MAGI1: variants seen among roughly 807,000 people sequenced by gnomAD.
The protein encoded by MAGI1 is membrane-associated guanylate kinase, WW and PDZ domain-containing protein 1.
Under a neutral mutation model 139.9 loss-of-function variants are expected in MAGI1, and 58 were observed. The observed-to-expected ratio is 0.41, with a 90% confidence interval of 0.34 to 0.52. The LOEUF (loss-of-function observed/expected upper bound fraction) is 0.52. Ranked by LOEUF, MAGI1 falls within the 20% of genes least tolerant of loss-of-function variation. The probability of loss-of-function intolerance (pLI) is 0.12; values close to 1 mark genes in which losing one functional copy is unlikely to be tolerated. For synonymous variants in MAGI1, 812 were observed against 737.9 expected (o/e 1.10, Z -1.63); for missense variants, 1,874 against 1,901.6 (o/e 0.99, Z 0.27).
rs1434709074 is a variant in MAGI1 at position 65,723,718 on chromosome 3, G to C, written c.314-101630C>G. On this transcript the variant is annotated intron_variant, in intron 1 of 22. Coordinates refer to ENST00000402939, the MANE Select transcript of MAGI1 (RefSeq NM_001033057.2). ...AGTACATTCTCATTAACTTCAGAAA[G>C]TTAACAACAACAAATGGCAAAATTA... 3.9e-5 allele frequency among the ~76,000 whole-genome samples: 6 copies of C among 152,122 alleles called. No individual in the cohort carries two copies. In the East Asian group the frequency reaches 1.2e-3, roughly 29 times the overall value.
At chr3:65,629,290 A>T (rs529473970) in intron 1 of MAGI1, among the ~76,000 whole-genome samples, 1 of 152,328 alleles carries the variant, frequency 6.6e-6, no homozygotes, top group African/African-American at 2.4e-5. Context: ...AGGGCAGAAT[A>T]CAATTCCCTG....
At chr3:65,761,203 G>C (rs1186698007) in intron 1 of MAGI1, among the ~76,000 whole-genome samples, 1 of 152,122 alleles carries the variant, frequency 6.6e-6, no homozygotes, top group Non-Finnish European at 1.5e-5. Context: ...CTAGGCAAAA[G>C]ATGGTATGTT....
chr3:65,750,568 A>G (rs1172526559), intron 1 of MAGI1, among the ~76,000 whole-genome samples: 1 of 152,238 alleles, frequency 6.6e-6, no homozygotes, highest in Non-Finnish European at 1.5e-5. Context: ...ATTAGTGACT[A>G]TGGGAATCAA....
At chr3:65,764,468 T>C (rs1446649060) in intron 1 of MAGI1, among the ~76,000 whole-genome samples, 1 of 152,216 alleles carries the variant, frequency 6.6e-6, no homozygotes, top group Non-Finnish European at 1.5e-5. Context: ...TGCTATGTTT[T>C]CAAAAGAACC....
chr3:65,416,843 G>A (rs982300251), intron 12 of MAGI1, among the ~76,000 whole-genome samples: 1 of 152,064 alleles, frequency 6.6e-6, no homozygotes, highest in Non-Finnish European at 1.5e-5. Flanking sequence ...TCACAAATAG[G>A]GGACATGATT....
chr3:65,950,067 C>CAAAAAAAAAAAAAAAAAAAAAAAAAA (rs61696952), intron 1 of MAGI1, among the ~76,000 whole-genome samples: 14 of 76,734 alleles, frequency 1.8e-4, no homozygotes, highest in South Asian at 1.1e-3. Context: ...AACAAAAAAA[C>CAAAAAAAAAAAAAAAAAAAAAAAAAA]AAAAAAAAAA....
intron 1 of MAGI1, among the ~76,000 whole-genome samples, chr3:65,627,994 GAAAATTAAGCTATTTCCA>G: frequency 6.6e-6 from 1 of 152,118 alleles, no homozygotes; most frequent in East Asian, 1.9e-4. Context: ...ATCCTTCATA[GAAAATTAAGCTATTTCCA>G]ATATAAACAA....
At chr3:65,673,302 C>T (rs1031701830) in intron 1 of MAGI1, among the ~76,000 whole-genome samples, 1 of 152,138 alleles carries the variant, frequency 6.6e-6, no homozygotes, top group African/African-American at 2.4e-5. Context: ...AAATAACTGC[C>T]TCAAATTTCC....
chr3:65,930,748 CTAACTGCTCAT>C (rs61403250), intron 1 of MAGI1, among the ~76,000 whole-genome samples: 2,858 of 152,222 alleles, frequency 0.019, 63 homozygotes, highest in African/African-American at 0.052. Context: ...TCTGGTCCTC[CTAACTGCTCAT>C]TATATGCTTA....
At chr3:65,817,297 CTTAAT>C (rs80220219) in intron 1 of MAGI1, among the ~76,000 whole-genome samples, 10,782 of 152,174 alleles carry the variant, frequency 0.071, 572 homozygotes, top group South Asian at 0.22. Flanking sequence ...TATATCTGAA[CTTAAT>C]TTAATTTAGA....
At chr3:65,381,063 T>G (rs961287537) in intron 16 of MAGI1, among the ~76,000 whole-genome samples, 8 of 152,168 alleles carry the variant, frequency 5.3e-5, no homozygotes, top group African/African-American at 1.9e-4. Flanking sequence ...TCACCTCTGC[T>G]GCACTCTGGG....
intron 1 of MAGI1, among the ~76,000 whole-genome samples, chr3:65,850,113 A>G (rs2059152326): frequency 6.6e-6 from 1 of 152,074 alleles, no homozygotes; most frequent in African/African-American, 2.4e-5. Context: ...TACCAGCCAA[A>G]CTTGTTTGAA....
intron 1 of MAGI1, among the ~76,000 whole-genome samples, chr3:65,836,299 CAG>C (rs2042801193): frequency 6.6e-6 from 1 of 152,192 alleles, no homozygotes; most frequent in Non-Finnish European, 1.5e-5. Flanking sequence ...CCACTCTACT[CAG>C]TGATATGTTG....
chr3:66,014,440 G>C (rs1052924020), intron 1 of MAGI1, among the ~76,000 whole-genome samples: 5 of 152,108 alleles, frequency 3.3e-5, no homozygotes, highest in African/African-American at 1.2e-4. Context: ...TGTCAGGACA[G>C]AGATCCACCT....
At chr3:65,740,530 G>A (rs940348441) in intron 1 of MAGI1, among the ~76,000 whole-genome samples, 2 of 152,184 alleles carry the variant, frequency 1.3e-5, no homozygotes, top group African/African-American at 4.8e-5. Flanking sequence ...ACAGGGCAGT[G>A]ATAAGGGTGT....
chr3:65,510,402 T>A (rs1010375954), intron 2 of MAGI1, among the ~76,000 whole-genome samples: 1 of 149,884 alleles, frequency 6.7e-6, no homozygotes, highest in African/African-American at 2.5e-5. Context: ...GTTGAAAACT[T>A]TGAAAAAAAT....
intron 1 of MAGI1, among the ~76,000 whole-genome samples, chr3:65,820,638 A>G (rs1194198319): frequency 6.6e-6 from 1 of 152,188 alleles, no homozygotes; most frequent in East Asian, 1.9e-4. Context: ...TGGATTACCT[A>G]GGATTCTTCA....
At chr3:65,733,393 T>A (rs142457979) in intron 1 of MAGI1, among the ~76,000 whole-genome samples, 2 of 152,096 alleles carry the variant, frequency 1.3e-5, no homozygotes, top group Non-Finnish European at 2.9e-5. Flanking sequence ...AGCCAGAAAA[T>A]TAATTGTATG....
chr3:65,931,588 C>A (rs1020728126), intron 1 of MAGI1, among the ~76,000 whole-genome samples: 1 of 152,148 alleles, frequency 6.6e-6, no homozygotes, highest in South Asian at 2.1e-4. Context: ...TCATTTGAGC[C>A]CAGAAGTCAA....
Sources: allele counts gnomAD v4.1 joint callset (sites outside exome capture counted in the v4.1 genomes callset), GRCh38; gene constraint gnomAD v4.1.1; transcripts MANE v1.5; gene names NCBI Gene and HGNC (gene_info 2026-07-23, HGNC 2026-07-21).